The following SLC44A5 variants were observed in gnomAD, a reference collection of about 807,000 sequenced individuals.
SLC44A5 encodes the protein solute carrier family 44 member 5.
Under a neutral mutation model 101.8 loss-of-function variants are expected in SLC44A5, and 57 were observed. The observed-to-expected ratio is 0.56, with a 90% CI of 0.45 to 0.70. SLC44A5 has a LOEUF of 0.70. Ranked by LOEUF, SLC44A5 falls within the 30% of genes least tolerant of loss-of-function variation. The pLI is 0.00. For synonymous variants in SLC44A5, 281 were observed against 290.9 expected (o/e 0.97, Z 0.35); for missense variants, 737 against 853.1 (o/e 0.86, Z 1.70).
intron 1 of SLC44A5, among the ~76,000 whole-genome samples, chr1:75,586,819 G>T (rs569381628): frequency 2.6e-5 from 4 of 152,062 alleles, no homozygotes; most frequent in African/African-American, 9.7e-5. Context: ...GCCTAGCACG[G>T]TGCCTGCAGA....
Position 75,578,075 on chromosome 1 carries a change from T to C in SLC44A5, c.-70+32965A>G, listed in dbSNP as rs959263270. Among the ~76,000 whole-genome samples, 3 of 152,296 alleles carry C rather than the reference T, an allele frequency of 2.0e-5. No homozygotes were observed. In the South Asian group the frequency reaches 6.2e-4, roughly 32 times the overall value. ...CCAAAGACATTCTCTAAAGATGATC[T>C]GCTAAAAACTAGTTTTTAATAGCTT... On this transcript the variant is annotated intron_variant, in intron 1 of 23. Coordinates refer to ENST00000370859, the MANE Select transcript of SLC44A5 (RefSeq NM_001130058.2).
At chr1:75,676,499 C>T in the SLC44A5 span, among the ~76,000 whole-genome samples, 1 of 151,950 alleles carries the variant, frequency 6.6e-6, no homozygotes, top group Non-Finnish European at 1.5e-5. Context: ...GGGAGCTGAA[C>T]ATAGAAACAT....
chr1:75,538,021 A>G (rs1017971316), intron 2 of SLC44A5: 1 of 152,232 alleles, frequency 6.6e-6, no homozygotes, highest in Non-Finnish European at 1.5e-5. Context: ...ATGCAAAAAT[A>G]TAGCAGGTTT....
chr1:75,293,915 A>C (rs1298014516), intron 5 of SLC44A5, among the ~76,000 whole-genome samples: 1 of 152,230 alleles, frequency 6.6e-6, no homozygotes, highest in East Asian at 1.9e-4. Context: ...GACTTCCAAA[A>C]TAAAAGGAAG....
intron 2 of SLC44A5, among the ~76,000 whole-genome samples, chr1:75,415,389 T>G (rs916479865): frequency 3.1e-4 from 47 of 152,322 alleles, no homozygotes; most frequent in African/African-American, 1.1e-3. Context: ...GATTTGCTCT[T>G]CCTTATCTTC....
At chr1:75,351,846 CAAAAAAAAA>C (rs71071942) in intron 3 of SLC44A5, among the ~76,000 whole-genome samples, 1 of 28,402 alleles carries the variant, frequency 3.5e-5, no homozygotes, top group Non-Finnish European at 5.9e-5. Context: ...CACACTTTAC[CAAAAAAAAA>C]AAAAAAAAAA....
chr1:75,329,215 C>T lies in SLC44A5; in HGVS notation c.101+10367G>A, dbSNP rs185893425. 6.5e-4 allele frequency among the ~76,000 whole-genome samples: 99 copies of T among 152,252 alleles called. 1 individual carries two copies. In the East Asian group the frequency reaches 0.016, roughly 25 times the overall value. On this transcript the variant is annotated intron_variant, in intron 4 of 23. Transcript: ENST00000370859. ...CTGGATAGCTGAGGCTTTGTTGGAC[C>T]TAGCAGTTTGAAAACTTCCTCCCTC... is the stretch of plus-strand genomic sequence containing the variant.
chr1:75,423,884 T>C (rs890506000), intron 2 of SLC44A5, among the ~76,000 whole-genome samples: 1 of 152,220 alleles, frequency 6.6e-6, no homozygotes, highest in African/African-American at 2.4e-5. Context: ...ACCATTAGTT[T>C]CCTATGGTTT....
chr1:75,665,590 A>G, the SLC44A5 span, among the ~76,000 whole-genome samples: 1 of 152,198 alleles, frequency 6.6e-6, no homozygotes, highest in Non-Finnish European at 1.5e-5. Context: ...CAACAAAAAT[A>G]AAAGTTGAAA....
At position 75,340,003 on chromosome 1, in the gene SLC44A5, A is replaced by C. The variant is rs992830373; in HGVS notation, c.53-373T>G. Among the ~76,000 whole-genome samples the C allele has an allele frequency of 2.0e-5, 3 of 152,324 alleles. No individual in the cohort carries two copies. In the East Asian group the frequency reaches 5.8e-4, roughly 29 times the overall value. On this transcript the variant is annotated intron_variant, in intron 3 of 23. Coordinates refer to ENST00000370859, the MANE Select transcript of SLC44A5 (RefSeq NM_001130058.2). ...GTGTTGCTGAGGACTTGTGAGGTGC[A>C]CATTTCAATATGAGATGCCTCCTTA...
chr1:75,588,616 A>T (rs972463156), intron 1 of SLC44A5, among the ~76,000 whole-genome samples: 3 of 152,186 alleles, frequency 2.0e-5, no homozygotes, highest in East Asian at 3.8e-4. Context: ...AAAATTTTTT[A>T]AAACATATTA....
At chr1:75,581,132 GA>G (rs1355983431) in intron 1 of SLC44A5, among the ~76,000 whole-genome samples, 11 of 152,164 alleles carry the variant, frequency 7.2e-5, no homozygotes. Context: ...GAAGGCTGAT[GA>G]AAATAGCCAA....
chr1:75,563,669 A>G (rs946535921), intron 1 of SLC44A5, among the ~76,000 whole-genome samples: 2 of 152,148 alleles, frequency 1.3e-5, no homozygotes, highest in African/African-American at 4.8e-5. Context: ...CTCCTATAAA[A>G]GACAAGCCAA....
chr1:75,425,464 G>C (rs1664254439), intron 2 of SLC44A5, among the ~76,000 whole-genome samples: 2 of 152,206 alleles, frequency 1.3e-5, no homozygotes. Context: ...CAGAAGCATT[G>C]CATTTTAGAG....
chr1:75,227,016 T>C (rs1647212466), intron 13 of SLC44A5, among the ~76,000 whole-genome samples: 1 of 152,210 alleles, frequency 6.6e-6, no homozygotes, highest in Non-Finnish European at 1.5e-5. Flanking sequence ...AATGTTTTGT[T>C]ATGAAAAATT....
chr1:75,327,848 G>A (rs1221716958), intron 4 of SLC44A5, among the ~76,000 whole-genome samples: 3 of 152,192 alleles, frequency 2.0e-5, no homozygotes, highest in African/African-American at 4.8e-5. Flanking sequence ...GCGTAAAGAG[G>A]ACTCTTCCAG....
the SLC44A5 span, among the ~76,000 whole-genome samples, chr1:75,623,847 C>T: frequency 6.6e-6 from 1 of 152,024 alleles, no homozygotes; most frequent in African/African-American, 2.4e-5. Context: ...GCTCTGGAGC[C>T]CGTCATTGAG....
intron 6 of SLC44A5, among the ~76,000 whole-genome samples, chr1:75,265,079 C>A (rs1014932650): frequency 2.6e-5 from 4 of 152,042 alleles, no homozygotes; most frequent in South Asian, 2.1e-4. Flanking sequence ...ACCAAACAGA[C>A]CAATAACAAA....
chr1:75,276,546 T>G lies in SLC44A5; in HGVS notation c.176-1504A>C, dbSNP rs183279939. Among the ~76,000 whole-genome samples the G allele has an allele frequency of 1.9e-3, 291 of 152,298 alleles. 1 individual carries two copies. The highest frequency in any genetic ancestry group is 6.6e-3 in the African/African-American group (273 of 41,582). On this transcript the variant is annotated intron_variant, in intron 5 of 23. Coordinates refer to ENST00000370859, the MANE Select transcript of SLC44A5 (RefSeq NM_001130058.2). ...TGAGTCACTTAATTATTTTGAGTCC[T>G]GACTTTCTAATTTGTTACTACAAAA... is the stretch of plus-strand genomic sequence containing the variant.
Sources: allele counts gnomAD v4.1 joint callset (sites outside exome capture counted in the v4.1 genomes callset), GRCh38; gene constraint gnomAD v4.1.1; transcripts MANE v1.5; gene names NCBI Gene and HGNC (gene_info 2026-07-23, HGNC 2026-07-21).